Variants in SLC9A6 observed in about 807,000 individuals in gnomAD.
The protein encoded by SLC9A6 is solute carrier family 9 member A6.
Under a neutral mutation model 45.3 loss-of-function variants are expected in SLC9A6, and 6 were observed. The ratio of observed to expected loss-of-function variants is 0.13; its 90% CI spans 0.07 to 0.26. The LOEUF (loss-of-function observed/expected upper bound fraction) is 0.26. Ranked by LOEUF, SLC9A6 falls within the 10% of genes least tolerant of loss-of-function variation. The pLI, the probability that SLC9A6 is intolerant of heterozygous loss-of-function variation, is 1.00. For missense variants in SLC9A6, 278 were observed against 503.7 expected, an observed-to-expected ratio of 0.55 and a Z score of 4.29; for synonymous variants, 191 against 187.7, an observed-to-expected ratio of 1.02 and a Z score of -0.14.
At chrX:136,010,361 A>G (rs2070897294) in intron 7 of SLC9A6, 81 bp from the exon 8 acceptor site, 2 of 1,075,732 alleles carry the variant, frequency 1.9e-6, no homozygotes, top group Non-Finnish European at 2.6e-6. Flanking sequence ...CTCTAATTTC[A>G]TCTTTCAAGC....
chrX:136,000,977 C>T (rs1391259599), intron 6 of SLC9A6, among the ~76,000 whole-genome samples: 1 of 108,551 alleles, frequency 9.2e-6, no homozygotes, highest in Non-Finnish European at 1.9e-5. Context: ...AAAGCAAGAC[C>T]CTGTCTCTTA....
intron 16 of SLC9A6, among the ~76,000 whole-genome samples, chrX:136,039,032 C>T (rs1556622129): frequency 9.0e-6 from 1 of 110,759 alleles, no homozygotes; most frequent in African/African-American, 3.3e-5. Flanking sequence ...CTGACTTTCT[C>T]ATTTTTAACT....
intron 3 of SLC9A6, among the ~76,000 whole-genome samples, chrX:135,995,943 C>G (rs1447057867): frequency 9.1e-6 from 1 of 109,376 alleles, no homozygotes; most frequent in Non-Finnish European, 1.9e-5. Flanking sequence ...CGGCTCAATG[C>G]CACTTTGCTC....
At chrX:136,001,336 CAAA>C (rs569372174) in intron 6 of SLC9A6, among the ~76,000 whole-genome samples, 2 of 23,610 alleles carry the variant, frequency 8.5e-5, no homozygotes, top group African/African-American at 1.5e-4. Flanking sequence ...GACTCCATCT[CAAA>C]AAAAAAAAAA....
chrX:136,035,150 ATATAAT>A (rs2071392463), intron 16 of SLC9A6, among the ~76,000 whole-genome samples: 1 of 111,857 alleles, frequency 8.9e-6, no homozygotes, highest in Non-Finnish European at 1.9e-5. Flanking sequence ...TAGTGCCCTG[ATATAAT>A]TAAATATTCA....
At chrX:135,983,043 G>C (rs782279510), upstream of SLC9A6, among the ~76,000 whole-genome samples, 3 of 111,438 alleles carry the variant, frequency 2.7e-5, no homozygotes, top group Non-Finnish European at 5.7e-5. Context: ...CTCAGCAAAT[G>C]TGTAGGAGTG....
intron 3 of SLC9A6, among the ~76,000 whole-genome samples, chrX:135,996,991 C>A (rs1173590966): frequency 2.7e-5 from 3 of 111,231 alleles, no homozygotes; most frequent in Non-Finnish European, 5.7e-5. Flanking sequence ...TGGTCTCGAT[C>A]TCCTGACTTT....
intron 13 of SLC9A6, among the ~76,000 whole-genome samples, chrX:136,025,299 A>G (rs782479006): frequency 4.4e-5 from 5 of 112,843 alleles, no homozygotes; most frequent in Non-Finnish European, 7.5e-5. Context: ...ACAGCAGCCT[A>G]TGCTGCTAAA....
chrX:135,974,688 G>A (rs1556613135), exon 1 of SLC9A6: 1 of 341,978 alleles, frequency 2.9e-6, no homozygotes, highest in Admixed American at 3.1e-5. Flanking sequence ...AAGGAGGCAA[G>A]GGTGTTAAAA....
intron 7 of SLC9A6, among the ~76,000 whole-genome samples, chrX:136,009,628 C>T (rs2070880926): frequency 8.9e-6 from 1 of 112,290 alleles, no homozygotes; most frequent in Admixed American, 9.4e-5. Context: ...CGGTAAGCAC[C>T]GTTGCCAAAG....
Position 136,033,439 on chromosome X carries a change from C to G in SLC9A6, c.1607C>G (p.Thr536Ser), listed in dbSNP as rs1556621398. The change falls in exon 16 of 18, where the codon ACT (threonine) becomes AGT (serine). Residue 536 changes from threonine to serine, a missense_variant. By Grantham distance (58) the Thr-to-Ser change is moderately conservative. Transcript: ENST00000630721. ...HLGVPENERRTTKAESAWLFR... is the reference protein window; with the variant it reads ...HLGVPENERRSTKAESAWLFR... ...GGTGTTCCTGAAAATGAAAGGAGAACTACCAAAGCAGAGAGTGCTTGGCTT... is the reference window on the plus strand; with the variant it reads ...GGTGTTCCTGAAAATGAAAGGAGAAGTACCAAAGCAGAGAGTGCTTGGCTT... The G allele has an allele frequency of 1.7e-6, 2 of 1,179,143 alleles. No homozygotes were observed. Among genetic ancestry groups the G allele is most frequent in the South Asian group, 3.6e-5 (2 of 56,046 alleles).
chrX:136,000,121 C>T (rs1158497762), intron 6 of SLC9A6, among the ~76,000 whole-genome samples: 4 of 107,765 alleles, frequency 3.7e-5, no homozygotes, highest in African/African-American at 1.0e-4. Flanking sequence ...CATGGGAGTG[C>T]GTGCCTGTAG....
Position 136,046,589 on chromosome X carries a change from A to T in SLC9A6, c.*1865A>T. ...TCGGGTTACTGACCTCACTTTATGT[A>T]AATACTTCGCATGACAAATTCAGTA... On this transcript the variant is annotated 3_prime_UTR_variant, in exon 18 of 18. Coordinates refer to ENST00000630721, the MANE Select transcript of SLC9A6 (RefSeq NM_001379110.1). The T allele has an allele frequency of 8.8e-6, 1 of 113,023 alleles. No individual in the cohort carries two copies. The highest frequency in any genetic ancestry group is 2.8e-4 in the East Asian group (1 of 3,618). 9.3% of individuals were successfully genotyped at this position (113,023 alleles called of 1,213,427 possible). A position where few individuals can be genotyped will look rare whatever the true frequency, so the allele number is the denominator to read the frequency against.
intron 4 of SLC9A6, 129 bp downstream of exon 4, chrX:135,998,314 A>G: frequency 5.3e-6 from 3 of 563,339 alleles, no homozygotes; most frequent in South Asian, 5.6e-5. Context: ...TCCTTTTTAG[A>G]TGCTGAAATT....
intron 7 of SLC9A6, 50 bp from the exon 8 acceptor site, chrX:136,010,392 T>C (rs782180609): frequency 8.4e-7 from 1 of 1,184,788 alleles, no homozygotes; most frequent in Non-Finnish European, 1.1e-6. Flanking sequence ...ATAATGTTTT[T>C]TTAAAAGTAA....
chrX:136,027,895 T>C (rs1556620699), intron 13 of SLC9A6, among the ~76,000 whole-genome samples: 1 of 112,603 alleles, frequency 8.9e-6, no homozygotes, highest in East Asian at 2.8e-4. Flanking sequence ...AGCCAGCTAT[T>C]CCCATGTCCT....
At chrX:135,974,923 A>G (rs977945098) in intron 1 of SLC9A6, 2 of 252,017 alleles carry the variant, frequency 7.9e-6, no homozygotes, top group Admixed American at 1.0e-4. Context: ...CCTTGTCTCT[A>G]TCTCTGATCC....
intron 10 of SLC9A6, 146 bp downstream of exon 10, chrX:136,013,583 A>T: frequency 2.3e-6 from 1 of 428,256 alleles, no homozygotes; most frequent in Middle Eastern, 7.0e-4. Context: ...CTCTAAAAGT[A>T]GGTGGGATTG....
Position 136,033,468 on chromosome X carries a change from C to T in SLC9A6, c.1636C>T (p.Arg546Trp), listed in dbSNP as rs782699547. 1.7e-6 allele frequency: 2 copies of T among 1,173,171 alleles called. No homozygotes were observed. The highest frequency in any genetic ancestry group is 1.8e-5 in the South Asian group (1 of 56,037). ...TTKAESAWLFRMWYNFDHNYL... is the reference protein window; with the variant it reads ...TTKAESAWLFWMWYNFDHNYL... The stretch of plus-strand genomic sequence containing the variant: ...CAAAGCAGAGAGTGCTTGGCTTTTC[C>T]GGATGTGGTACAACTTTGATCATAA... The change falls in exon 16 of 18, where the codon CGG becomes TGG. Residue 546 changes from arginine (R) to tryptophan (W), a missense_variant. By Grantham distance (101) the Arg-to-Trp change is moderately radical. Transcript: ENST00000630721.
Sources: allele counts gnomAD v4.1 joint callset (sites outside exome capture counted in the v4.1 genomes callset), GRCh38; gene constraint gnomAD v4.1.1; transcripts MANE v1.5; gene names NCBI Gene and HGNC (gene_info 2026-07-23, HGNC 2026-07-21).